Variants in SH2D4B observed in about 807,000 individuals in gnomAD.
The protein encoded by SH2D4B is SH2 domain-containing protein 4B.
SH2D4B carries 45 observed loss-of-function variants against 61.5 expected under a neutral mutation model. The ratio of observed to expected loss-of-function variants is 0.73; its 90% CI spans 0.58 to 0.94. SH2D4B has a LOEUF of 0.94. Among genes scored for constraint, SH2D4B ranks in the 40% least tolerant of loss-of-function variants. The pLI is 0.00. For synonymous variants in SH2D4B, 224 were observed against 220.4 expected, an observed-to-expected ratio of 1.02 and a Z score of -0.14; for missense variants, 572 against 574.2, an observed-to-expected ratio of 1.00 and a Z score of 0.04.
chr10:80,643,500 A>G (rs186955564), intron 7 of SH2D4B, among the ~76,000 whole-genome samples: 38 of 152,232 alleles, frequency 2.5e-4, no homozygotes, highest in Admixed American at 9.2e-4. Flanking sequence ...GAGTGGATAC[A>G]GTCTTGTTTC....
intron 3 of SH2D4B, among the ~76,000 whole-genome samples, chr10:80,574,397 A>C (rs908526306): frequency 1.3e-5 from 2 of 152,174 alleles, no homozygotes; most frequent in African/African-American, 4.8e-5. Flanking sequence ...TGGCCTCCCA[A>C]AGTGCTGGGA....
intron 1 of SH2D4B, among the ~76,000 whole-genome samples, chr10:80,568,148 C>T (rs528948559): frequency 5.4e-4 from 81 of 150,812 alleles, no homozygotes; most frequent in African/African-American, 1.8e-3. Context: ...AGTGCAGTGG[C>T]GCAATGAGAG....
chr10:80,608,737 C>T (rs561420085), intron 5 of SH2D4B, among the ~76,000 whole-genome samples: 23 of 152,168 alleles, frequency 1.5e-4, no homozygotes, highest in African/African-American at 4.1e-4. Flanking sequence ...TAGTTACCAA[C>T]GTGTGGTTTT....
intron 1 of SH2D4B, among the ~76,000 whole-genome samples, chr10:80,542,401 T>A (rs1424682203): frequency 6.8e-6 from 1 of 147,840 alleles, no homozygotes; most frequent in African/African-American, 2.6e-5. Flanking sequence ...GTTCTATCTT[T>A]TTTTTTTTTT....
chr10:80,546,378 T>A (rs1019709780), intron 1 of SH2D4B, among the ~76,000 whole-genome samples: 1 of 151,888 alleles, frequency 6.6e-6, no homozygotes, highest in African/African-American at 2.4e-5. Context: ...TGTTTTAGGA[T>A]TTGAACTTGG....
intron 3 of SH2D4B, among the ~76,000 whole-genome samples, chr10:80,577,719 C>T (rs887559152): frequency 1.3e-5 from 2 of 151,696 alleles, no homozygotes; most frequent in South Asian, 4.2e-4. Context: ...AGCCACAGCG[C>T]CCGGCCTTTT....
At chr10:80,640,640 A>T (rs1359571690) in intron 7 of SH2D4B, among the ~76,000 whole-genome samples, 1 of 152,196 alleles carries the variant, frequency 6.6e-6, no homozygotes, top group Admixed American at 6.5e-5. Flanking sequence ...CAGCTCCATC[A>T]GGTCATTTAA....
At chr10:80,642,700 T>TTTTTCATGATCTTGAACAGC (rs1347218701) in intron 7 of SH2D4B, among the ~76,000 whole-genome samples, 1 of 152,214 alleles carries the variant, frequency 6.6e-6, no homozygotes, top group Non-Finnish European at 1.5e-5. Flanking sequence ...TGGCTTCCGA[T>TTTTTCATGATCTTGAACAGC]TTTTCATGAT....
At chr10:80,565,652 G>A (rs1016025784) in intron 1 of SH2D4B, among the ~76,000 whole-genome samples, 2 of 152,082 alleles carry the variant, frequency 1.3e-5, no homozygotes, top group Non-Finnish European at 2.9e-5. Flanking sequence ...TTAGCTGCTC[G>A]ATAAGATCAC....
chr10:80,603,674 G>A lies in SH2D4B; in HGVS notation c.739G>A (p.Gly247Ser). The A allele has an allele frequency of 1.9e-6, 3 of 1,610,762 alleles. No homozygotes were observed. The highest frequency in any genetic ancestry group is 2.5e-6 in the Non-Finnish European group (3 of 1,178,870). The part of the protein sequence containing the change: ...RHHSLRAIQK[G>S]TVAGLSSMFR... ...CCACTCGCTCCGTGCTATCCAGAAG[G>A]GCACGGTCGCTGGCCTCAGCTCCAT... Residue 247 changes from glycine to serine, a missense_variant, in exon 5 of 8, where the codon GGC (glycine) becomes AGC (serine). Coordinates refer to ENST00000646907, the MANE Select transcript of SH2D4B (RefSeq NM_001388272.1).
intron 7 of SH2D4B, among the ~76,000 whole-genome samples, chr10:80,637,540 G>C (rs889691743): frequency 6.6e-6 from 1 of 152,076 alleles, no homozygotes; most frequent in Non-Finnish European, 1.5e-5. Context: ...TATTCTCTTT[G>C]TACCAATTAT....
chr10:80,543,347 G>A lies in SH2D4B; in HGVS notation c.184+4832G>A, dbSNP rs113612740. Among the ~76,000 whole-genome samples, 7 of 152,158 alleles carry A rather than the reference G, an allele frequency of 4.6e-5. 1 individual carries two copies. In the East Asian group the frequency reaches 7.7e-4, roughly 17 times the overall value. On this transcript the variant is annotated intron_variant, in intron 1 of 7. Transcript: ENST00000646907. ...GGCGGACCCCGCACTCGGAGCGGCC[G>A]GCCACCTGGCCGGCCCCACCGGCCC...
At position 80,538,143 on chromosome 10, in the gene SH2D4B, C is replaced by T. The variant is rs1246907632; in HGVS notation, c.-189C>T. The T allele has an allele frequency of 4.7e-5, 19 of 401,468 alleles. No homozygotes were observed. Among genetic ancestry groups the T allele is most frequent in the Non-Finnish European group, 6.3e-5 (15 of 237,558 alleles). The allele number at this position is 401,468 out of a possible 1,614,324, so 24.9% of individuals were successfully genotyped here. ...CCTGTTGCCTGGCCTCTTTTGCTGT[C>T]CTGGGTAGAGGAGATGAGTTCGTCG... On this transcript the variant is annotated 5_prime_UTR_variant, in exon 1 of 8. Coordinates refer to ENST00000646907, the MANE Select transcript of SH2D4B (RefSeq NM_001388272.1). This position sits in a 1 kb window ranked among gnomAD's most constrained non-coding sequence, Gnocchi z 4.8.
intron 1 of SH2D4B, among the ~76,000 whole-genome samples, chr10:80,562,404 A>G (rs1469540010): frequency 1.3e-5 from 2 of 152,234 alleles, no homozygotes; most frequent in Non-Finnish European, 2.9e-5. Context: ...ATCAAATGAC[A>G]TTATTTAAAA....
At chr10:80,547,941 C>T (rs1468777488) in intron 1 of SH2D4B, among the ~76,000 whole-genome samples, 2 of 152,116 alleles carry the variant, frequency 1.3e-5, no homozygotes, top group Non-Finnish European at 2.9e-5. Flanking sequence ...GCCCCAAAAT[C>T]AAACAAGAAG....
intron 4 of SH2D4B, 89 bp downstream of exon 4, chr10:80,588,866 C>T (rs948807568): frequency 2.0e-5 from 29 of 1,482,654 alleles, no homozygotes; most frequent in African/African-American, 2.8e-5. Flanking sequence ...TCGTCATTTC[C>T]ATTCGCTCAC....
chr10:80,574,684 T>G (rs1842102843), intron 3 of SH2D4B, among the ~76,000 whole-genome samples: 1 of 137,938 alleles, frequency 7.2e-6, no homozygotes, highest in African/African-American at 3.2e-5. Context: ...TTCCTGAGTT[T>G]TTATTATCAA....
chr10:80,626,250 C>T (rs561281068), intron 6 of SH2D4B, among the ~76,000 whole-genome samples: 1 of 151,920 alleles, frequency 6.6e-6, no homozygotes, highest in East Asian at 1.9e-4. Context: ...TATTCTTTTC[C>T]TTGAAAGGTA....
intron 6 of SH2D4B, among the ~76,000 whole-genome samples, chr10:80,619,588 T>C (rs1474653763): frequency 6.6e-6 from 1 of 152,266 alleles, no homozygotes; most frequent in African/African-American, 2.4e-5. Context: ...CCACTGACCC[T>C]TGGACTTTGT....
Sources: allele counts gnomAD v4.1 joint callset (sites outside exome capture counted in the v4.1 genomes callset), GRCh38; gene constraint gnomAD v4.1.1; non-coding constraint Gnocchi (gnomAD v3.1); transcripts MANE v1.5; gene names NCBI Gene and HGNC (gene_info 2026-07-23, HGNC 2026-07-21).